The following ZNF618 variants were observed in gnomAD, a reference collection of about 807,000 sequenced individuals.
The protein encoded by ZNF618 is neural precursor cell expressed, developmentally down-regulated 10.
ZNF618 carries 34 observed loss-of-function variants against 103.0 expected under a neutral mutation model. The observed-to-expected ratio is 0.33, with a 90% confidence interval of 0.25 to 0.44. The LOEUF is 0.44. Ranked by LOEUF, ZNF618 falls within the 20% of genes least tolerant of loss-of-function variation. The pLI, the probability that ZNF618 is intolerant of heterozygous loss-of-function variation, is 1.00. For missense variants in ZNF618, 1,059 were observed against 1,295.4 expected (o/e 0.82, Z 2.80); for synonymous variants, 551 against 542.2 (o/e 1.02, Z -0.23).
At chr9:113,939,792 C>CT (rs1163015029) in intron 1 of ZNF618, among the ~76,000 whole-genome samples, 25 of 152,032 alleles carry the variant, frequency 1.6e-4, no homozygotes, top group African/African-American at 6.0e-4. Flanking sequence ...TTCCCTCCCT[C>CT]TGATTCCGTA....
intron 1 of ZNF618, among the ~76,000 whole-genome samples, chr9:113,886,637 G>A (rs781532577): frequency 2.0e-5 from 3 of 152,054 alleles, no homozygotes; most frequent in Non-Finnish European, 4.4e-5. Flanking sequence ...TGAGACCTCA[G>A]GGAAGAGAAA....
At chr9:113,995,101 T>C (rs1012667064) in intron 3 of ZNF618, among the ~76,000 whole-genome samples, 1 of 152,210 alleles carries the variant, frequency 6.6e-6, no homozygotes, top group African/African-American at 2.4e-5. Flanking sequence ...TTTTTCTCCT[T>C]GAGCTCATAT....
chr9:114,025,618 A>G (rs1434929993), intron 10 of ZNF618, among the ~76,000 whole-genome samples: 1 of 152,166 alleles, frequency 6.6e-6, no homozygotes, highest in Admixed American at 6.5e-5. Flanking sequence ...GCACACTGTT[A>G]AGTAGAATGA....
intron 1 of ZNF618, among the ~76,000 whole-genome samples, chr9:113,901,115 C>T (rs1369705083): frequency 6.7e-6 from 1 of 148,706 alleles, no homozygotes; most frequent in Non-Finnish European, 1.5e-5. Context: ...CAAACCCGAC[C>T]TCCTGTCTCC....
chr9:113,877,035 A>G (rs527246253), intron 1 of ZNF618, among the ~76,000 whole-genome samples: 126 of 152,072 alleles, frequency 8.3e-4, no homozygotes, highest in African/African-American at 2.9e-3. Flanking sequence ...TATTTTTTCA[A>G]AAGTTTGCAC....
chr9:113,984,546 C>A (rs565772123), intron 2 of ZNF618, among the ~76,000 whole-genome samples: 1 of 152,210 alleles, frequency 6.6e-6, no homozygotes, highest in Non-Finnish European at 1.5e-5. Flanking sequence ...CCTTCCCCTA[C>A]CAGGATGCCA....
chr9:114,035,758 C>G (rs796854866), intron 12 of ZNF618, among the ~76,000 whole-genome samples: 2 of 152,108 alleles, frequency 1.3e-5, no homozygotes, highest in African/African-American at 4.8e-5. Flanking sequence ...TCCCTCTCCT[C>G]CCTTTCCGCA....
At chr9:113,929,386 A>G (rs576297267) in intron 1 of ZNF618, among the ~76,000 whole-genome samples, 11 of 152,326 alleles carry the variant, frequency 7.2e-5, no homozygotes, top group African/African-American at 2.6e-4. Context: ...CCTCTGATAT[A>G]TCTAAGAAAA....
rs146112844 is a variant in ZNF618, at chr9:113,980,695, G to A, written c.78-7626G>A. Among the ~76,000 whole-genome samples, 64 of 152,344 alleles carry A rather than the reference G, an allele frequency of 4.2e-4. No individual in the cohort carries two copies. In the East Asian group the frequency reaches 0.011, roughly 27 times the overall value. On this transcript the variant is annotated intron_variant, in intron 2 of 14. Transcript: ENST00000374126. Reference sequence around the variant, plus strand: ...ATCAAGTTGTAAGAGCTGGAGTGATGAAGAGGATTCAGCACAAGAGATAAG... The same window carrying A: ...ATCAAGTTGTAAGAGCTGGAGTGATAAAGAGGATTCAGCACAAGAGATAAG...
At chr9:113,972,471 T>C (rs1192132626) in intron 2 of ZNF618, among the ~76,000 whole-genome samples, 1 of 151,964 alleles carries the variant, frequency 6.6e-6, no homozygotes, top group African/African-American at 2.4e-5. Context: ...GCTGCCTAGG[T>C]GGAGGTAGGC....
At chr9:114,016,627 G>C in intron 9 of ZNF618, 68 bp from the exon 10 acceptor site, 1 of 1,267,506 alleles carries the variant, frequency 7.9e-7, no homozygotes, top group South Asian at 1.3e-5. Flanking sequence ...TGGGGGGTGG[G>C]AGCACGCTGA....
chr9:113,930,960 T>C (rs567683454), intron 1 of ZNF618, among the ~76,000 whole-genome samples: 14 of 152,362 alleles, frequency 9.2e-5, no homozygotes, highest in African/African-American at 3.4e-4. Flanking sequence ...CATTAAATTG[T>C]GTGATAATTA....
Position 113,951,428 on chromosome 9 carries a change from TGTGTATATATATAC to T in ZNF618, c.34-17688_34-17675del, listed in dbSNP as rs1310444257. Among the ~76,000 whole-genome samples, 437 of 77,728 alleles carry T rather than the reference TGTGTATATATATAC, an allele frequency of 5.6e-3. 104 individuals are homozygous for T. Among genetic ancestry groups the T allele is most frequent in the Middle Eastern group, 0.024 (4 of 168 alleles). The allele number at this position is 77,728 out of a possible 152,430, so 51.0% of individuals were successfully genotyped here. ...GTATATATACACACATATATGTGTG[TGTGTATATATATAC>T]ATATATGTGTATATATACATATATG... On this transcript the variant is annotated intron_variant, in intron 1 of 14. Transcript: ENST00000374126.
At chr9:113,955,674 T>TA (rs1170066420) in intron 1 of ZNF618, among the ~76,000 whole-genome samples, 28 of 148,408 alleles carry the variant, frequency 1.9e-4, no homozygotes, top group African/African-American at 3.7e-4. Context: ...TTTTCTCTCT[T>TA]TAAAAAAAAA....
rs1202472137 is a variant in ZNF618, at chr9:114,028,978, A to G, written c.1084+6A>G. 3 of 1,549,346 alleles carry G rather than the reference A, an allele frequency of 1.9e-6. No individual in the cohort carries two copies. Among genetic ancestry groups the G allele is most frequent in the East Asian group, 2.4e-5 (1 of 40,920 alleles). On this transcript the variant is annotated splice_donor_region_variant and intron_variant, in intron 11 of 14. Coordinates refer to ENST00000374126, the MANE Select transcript of ZNF618 (RefSeq NM_001318042.2). ...GGCGAGCAAGGCAACCGCAGGTACC[A>G]ATGGCCTATGTGACCCCCACACTTT...
intron 1 of ZNF618, among the ~76,000 whole-genome samples, chr9:113,876,755 C>A (rs1827979101): frequency 6.6e-6 from 1 of 151,916 alleles, no homozygotes; most frequent in Non-Finnish European, 1.5e-5. Flanking sequence ...GCAACCCCTT[C>A]CAGCTCTGCC....
chr9:113,969,785 G>A (rs766832065), intron 2 of ZNF618, among the ~76,000 whole-genome samples: 6 of 152,178 alleles, frequency 3.9e-5, no homozygotes, highest in Non-Finnish European at 5.9e-5. Context: ...CCATGCTGCC[G>A]CTGCTGTTGC....
intron 1 of ZNF618, among the ~76,000 whole-genome samples, chr9:113,876,870 A>G (rs1053104149): frequency 1.5e-4 from 22 of 144,648 alleles, no homozygotes; most frequent in Admixed American, 8.3e-4. Context: ...TTTTGCAACA[A>G]TCTTTTTTTT....
rs1481314741 is a variant in ZNF618, at chr9:114,053,395, G to A, written c.*3228G>A. Reference sequence around the variant, plus strand: ...AAGCCTTTGGGGGATCTGGGACCAGGAATTTGGGCCGTTTCTACCATATTC... The same window carrying A: ...AAGCCTTTGGGGGATCTGGGACCAGAAATTTGGGCCGTTTCTACCATATTC... On this transcript the variant is annotated 3_prime_UTR_variant, in exon 15 of 15. Coordinates refer to ENST00000374126, the MANE Select transcript of ZNF618 (RefSeq NM_001318042.2). 1 of 152,336 alleles carries A rather than the reference G, an allele frequency of 6.6e-6. No individual in the cohort carries two copies. Among genetic ancestry groups the A allele is most frequent in the African/African-American group, 2.4e-5 (1 of 41,456 alleles). 9.4% of individuals were successfully genotyped at this position (152,336 alleles called of 1,614,324 possible).
Sources: allele counts gnomAD v4.1 joint callset (sites outside exome capture counted in the v4.1 genomes callset), GRCh38; gene constraint gnomAD v4.1.1; transcripts MANE v1.5; gene names NCBI Gene and HGNC (gene_info 2026-07-23, HGNC 2026-07-21).